Variants in ZNF407 observed in about 807,000 individuals in gnomAD.
ZNF407 encodes zinc finger protein 407.
A neutral mutation model predicts 131.2 loss-of-function variants in ZNF407; 17 were observed. That is an observed-to-expected ratio of 0.13 (90% CI 0.09 to 0.19). ZNF407 has a LOEUF of 0.19. ZNF407 is among the 10% of genes least tolerant of loss of function. ZNF407 has a pLI of 1.00. For missense variants in ZNF407, 2,681 were observed against 2,830.6 expected (o/e 0.95, Z 1.20); for synonymous variants, 1,156 against 1,062.0 (o/e 1.09, Z -1.72).
chr18:74,813,705 G>C (rs945367998), intron 4 of ZNF407, among the ~76,000 whole-genome samples: 1 of 152,114 alleles, frequency 6.6e-6, no homozygotes, highest in Non-Finnish European at 1.5e-5. Context: ...AGCTCCAAGG[G>C]CCCCTTTGTC....
intron 3 of ZNF407, among the ~76,000 whole-genome samples, chr18:74,775,817 C>T (rs559313923): frequency 6.6e-6 from 1 of 152,266 alleles, no homozygotes; most frequent in South Asian, 2.1e-4. Context: ...ACAGTCATGG[C>T]AGAAAGTTAA....
At chr18:74,849,829 GAAA>G (rs1241383800) in intron 4 of ZNF407, among the ~76,000 whole-genome samples, 24 of 152,338 alleles carry the variant, frequency 1.6e-4, no homozygotes, top group Admixed American at 8.5e-4. Flanking sequence ...GTGGAATATT[GAAA>G]AGTTGGCTGT....
chr18:74,976,737 C>T (rs923742263), intron 8 of ZNF407, among the ~76,000 whole-genome samples: 2 of 152,336 alleles, frequency 1.3e-5, no homozygotes, highest in East Asian at 1.9e-4. Context: ...GGAGCCCCTT[C>T]GGAGCACTGT....
intron 8 of ZNF407, among the ~76,000 whole-genome samples, chr18:74,993,935 G>A (rs1196925921): frequency 6.6e-6 from 1 of 152,210 alleles, no homozygotes. Context: ...GAGAGACAAA[G>A]ACTGGTGCAC....
At chr18:74,913,327 TTAGA>T (rs1971699708) in intron 7 of ZNF407, among the ~76,000 whole-genome samples, 1 of 152,188 alleles carries the variant, frequency 6.6e-6, no homozygotes, top group African/African-American at 2.4e-5. Flanking sequence ...GAAGAATCAG[TTAGA>T]TAGAATAGGT....
chr18:74,693,670 C>T (rs1442663456), intron 3 of ZNF407, among the ~76,000 whole-genome samples: 1 of 152,064 alleles, frequency 6.6e-6, no homozygotes, highest in Non-Finnish European at 1.5e-5. Flanking sequence ...TGCTTTTCAG[C>T]AATTAGTATT....
At chr18:74,730,345 G>A (rs1438508861) in intron 3 of ZNF407, among the ~76,000 whole-genome samples, 1 of 152,164 alleles carries the variant, frequency 6.6e-6, no homozygotes, top group Non-Finnish European at 1.5e-5. Flanking sequence ...AGATTAAAAT[G>A]CAAGGAATGG....
chr18:74,754,244 C>T (rs564007107), intron 3 of ZNF407, among the ~76,000 whole-genome samples: 19 of 152,218 alleles, frequency 1.2e-4, no homozygotes. Context: ...CTCTTTTCTT[C>T]TTCATTAGTC....
At chr18:74,732,203 C>T (rs531593488) in intron 3 of ZNF407, among the ~76,000 whole-genome samples, 3 of 152,230 alleles carry the variant, frequency 2.0e-5, no homozygotes, top group South Asian at 2.1e-4. Context: ...GAATGGGGAA[C>T]GTCAGACTTT....
chr18:74,995,679 G>T (rs1322041690), intron 8 of ZNF407, among the ~76,000 whole-genome samples: 2 of 152,098 alleles, frequency 1.3e-5, no homozygotes, highest in East Asian at 3.9e-4. Context: ...GGTGGGAGAG[G>T]CAGAAGGGAG....
At chr18:74,693,204 C>T (rs1303147869) in intron 3 of ZNF407, among the ~76,000 whole-genome samples, 3 of 152,178 alleles carry the variant, frequency 2.0e-5, no homozygotes, top group African/African-American at 7.2e-5. Context: ...TTTATTTAGA[C>T]TTGAGTTTAT....
chr18:74,736,100 G>C (rs931924454), intron 3 of ZNF407, among the ~76,000 whole-genome samples: 1 of 152,142 alleles, frequency 6.6e-6, no homozygotes, highest in Non-Finnish European at 1.5e-5. Context: ...TTATGACTTC[G>C]GGTGATGAAT....
At chr18:75,017,435 G>A (rs1973058070) in intron 8 of ZNF407, among the ~76,000 whole-genome samples, 1 of 152,112 alleles carries the variant, frequency 6.6e-6, no homozygotes, top group South Asian at 2.1e-4. Flanking sequence ...AGGAGGATTA[G>A]GGATCCACTG....
Position 74,819,323 on chromosome 18 carries a change from C to T in ZNF407, c.4877+37821C>T, listed in dbSNP as rs541576282. Among the ~76,000 whole-genome samples the T allele has an allele frequency of 2.0e-5, 3 of 152,240 alleles. No homozygotes were observed. The South Asian group carries it at 6.2e-4, about 32-fold the overall frequency. On this transcript the variant is annotated intron_variant, in intron 4 of 8. Coordinates refer to ENST00000299687, the MANE Select transcript of ZNF407 (RefSeq NM_017757.3). The stretch of plus-strand genomic sequence containing the variant: ...TTTTTATGAGCAAAATTTTCCTTTA[C>T]TTAAAAGGAAGTTTGTTTTGGTTTC...
At chr18:74,601,038 G>C (rs1353056962) in intron 1 of ZNF407, among the ~76,000 whole-genome samples, 1 of 152,126 alleles carries the variant, frequency 6.6e-6, no homozygotes, top group Non-Finnish European at 1.5e-5. Context: ...GGAAGTGAGT[G>C]GATTGTACAT....
chr18:74,616,903 A>ATACAC (rs1983318947), intron 1 of ZNF407, among the ~76,000 whole-genome samples: 1 of 147,146 alleles, frequency 6.8e-6, no homozygotes, highest in African/African-American at 2.5e-5. Context: ...ATCCATATCC[A>ATACAC]CACACATCCA....
intron 3 of ZNF407, among the ~76,000 whole-genome samples, chr18:74,779,402 C>A (rs896982366): frequency 1.3e-5 from 2 of 151,874 alleles, no homozygotes; most frequent in African/African-American, 4.8e-5. Flanking sequence ...GCGTGAGCCA[C>A]CGCGCCCGGT....
chr18:74,802,523 T>C (rs1277139661), intron 4 of ZNF407, among the ~76,000 whole-genome samples: 3 of 152,164 alleles, frequency 2.0e-5, no homozygotes, highest in Non-Finnish European at 4.4e-5. Flanking sequence ...AGGGAAAATA[T>C]TATATTAAAA....
chr18:75,036,866 A>C (rs1002884101), intron 8 of ZNF407, among the ~76,000 whole-genome samples: 1 of 152,232 alleles, frequency 6.6e-6, no homozygotes, highest in East Asian at 1.9e-4. Context: ...AGAGTTGTCA[A>C]CTGATACCAG....
Sources: gnomAD v4.1 joint callset for allele counts (sites outside exome capture counted in the v4.1 genomes callset) on GRCh38, gnomAD v4.1.1 for gene constraint, MANE v1.5 for transcripts, NCBI Gene and HGNC (gene_info 2026-07-23, HGNC 2026-07-21) for gene names.